RNF115: variants seen among roughly 807,000 people sequenced by gnomAD.
The protein encoded by RNF115 is E3 ubiquitin-protein ligase RNF115.
RNF115 carries 31 observed loss-of-function variants against 39.2 expected under a neutral mutation model. That is an observed-to-expected ratio of 0.79 (90% CI 0.59 to 1.07). The LOEUF (loss-of-function observed/expected upper bound fraction) is 1.07, where lower values mean the gene tolerates loss of function less well. Ranked by LOEUF, RNF115 falls within the 50% of genes least tolerant of loss-of-function variation. The pLI is 0.00. For missense variants in RNF115, 384 were observed against 381.7 expected (o/e 1.01, Z -0.05); for synonymous variants, 124 against 131.0 (o/e 0.95, Z 0.37).
intron 4 of RNF115, among the ~76,000 whole-genome samples, chr1:145,757,859 G>A (rs944342600): frequency 6.6e-6 from 1 of 152,116 alleles, no homozygotes; most frequent in South Asian, 2.1e-4. Context: ...ACAACAAAAG[G>A]AACTATACCT....
At chr1:145,755,651 T>C (rs1658266820) in intron 4 of RNF115, among the ~76,000 whole-genome samples, 1 of 151,944 alleles carries the variant, frequency 6.6e-6, no homozygotes, top group Admixed American at 6.6e-5. Flanking sequence ...GACCCAAAAC[T>C]TGAGAGTATC....
At chr1:145,766,097 A>C (rs952601306) in intron 4 of RNF115, among the ~76,000 whole-genome samples, 30 of 152,166 alleles carry the variant, frequency 2.0e-4, no homozygotes, top group Non-Finnish European at 3.4e-4. Context: ...GTCAGCAGAT[A>C]AGTGAACAAA....
intron 4 of RNF115, among the ~76,000 whole-genome samples, chr1:145,770,498 G>T (rs587679966): frequency 6.6e-6 from 1 of 152,212 alleles, no homozygotes; most frequent in South Asian, 2.1e-4. Context: ...AGCTATTTGG[G>T]ATTGAGGTAC....
chr1:145,803,725 G>A (rs587653994), intron 1 of RNF115, among the ~76,000 whole-genome samples: 10 of 152,274 alleles, frequency 6.6e-5, no homozygotes, highest in Non-Finnish European at 1.3e-4. Context: ...GGCCATGATT[G>A]AACACTGACA....
In RNF115 at chr1:145,743,880, T is replaced by A. The variant is rs1553711288; in HGVS notation, c.*2986A>T. ...TCCTCAACATAAATTAACCTGGACA[T>A]CTGAGGTGCCTGCCATTATAAGAAG... On this transcript the variant is annotated 3_prime_UTR_variant, in exon 9 of 9. Transcript: ENST00000582693. 6.6e-6 allele frequency: 1 copy of A among 151,832 alleles called. No homozygotes were observed. The highest frequency in any genetic ancestry group is 1.5e-5 in the Non-Finnish European group (1 of 67,966). 9.4% of individuals were successfully genotyped at this position (151,832 alleles called of 1,614,324 possible). A position where few individuals can be genotyped will look rare whatever the true frequency, so the allele number is the denominator to read the frequency against.
chr1:145,792,306 A>G (rs1648711848), intron 1 of RNF115, among the ~76,000 whole-genome samples: 1 of 151,976 alleles, frequency 6.6e-6, no homozygotes, highest in Admixed American at 6.6e-5. Context: ...CTTCAAAGAA[A>G]GACAGGATGG....
At chr1:145,788,734 T>C in intron 2 of RNF115, 174 bp downstream of exon 2, 1 of 701,126 alleles carries the variant, frequency 1.4e-6, no homozygotes, top group Non-Finnish European at 2.6e-6. Flanking sequence ...TTCTTTTTCC[T>C]CTCCCATTCT....
rs1168148329 is a variant in RNF115 at position 145,757,924 on chromosome 1, C to T, written c.429-4875G>A. On this transcript the variant is annotated intron_variant, in intron 4 of 8. Coordinates refer to ENST00000582693, the MANE Select transcript of RNF115 (RefSeq NM_014455.4). The stretch of plus-strand genomic sequence containing the variant: ...CACTTGGACCTAGTTAAAAGGACAG[C>T]TACCTATATTTCAAGCTGATGCTAT... Among the ~76,000 whole-genome samples, 4 of 152,192 alleles carry T rather than the reference C, an allele frequency of 2.6e-5. No homozygotes were observed. In the East Asian group the frequency reaches 7.7e-4, roughly 29 times the overall value.
intron 3 of RNF115, among the ~76,000 whole-genome samples, chr1:145,776,855 T>C (rs587679950): frequency 6.6e-5 from 10 of 152,274 alleles, no homozygotes; most frequent in Admixed American, 1.3e-4. Flanking sequence ...AAGATTTCTC[T>C]AAATACTGGT....
At chr1:145,764,849 T>C (rs1309430559) in intron 4 of RNF115, among the ~76,000 whole-genome samples, 3 of 142,202 alleles carry the variant, frequency 2.1e-5, no homozygotes, top group Non-Finnish European at 3.1e-5. Context: ...AGGTGGGGGG[T>C]GCCTCTGCCC....
chr1:145,806,236 T>C (rs782560197), intron 1 of RNF115, among the ~76,000 whole-genome samples: 46 of 152,228 alleles, frequency 3.0e-4, no homozygotes, highest in Admixed American at 5.2e-4. Flanking sequence ...TAATCCCAGC[T>C]GCTCAGGAAG....
chr1:145,776,090 A>AGG (rs11374256), intron 3 of RNF115, among the ~76,000 whole-genome samples: 66,277 of 145,994 alleles, frequency 0.45, 15,330 homozygotes, highest in East Asian at 0.63. Flanking sequence ...CCACAGGGTA[A>AGG]GGGGGGGGCT....
intron 1 of RNF115, among the ~76,000 whole-genome samples, chr1:145,789,866 T>G (rs1648580927): frequency 6.6e-6 from 1 of 150,992 alleles, no homozygotes; most frequent in Non-Finnish European, 1.5e-5. Context: ...CCTGGCTAAT[T>G]TTTGTATTTT....
At position 145,800,008 on chromosome 1, in the gene RNF115, G is replaced by C. The variant is rs1053336441; in HGVS notation, c.103-11042C>G. ...ATCAAATGCTTTTTCTGCATGAATT[G>C]AGATGATGATGCAGTTTTTGTCCCT... On this transcript the variant is annotated intron_variant, in intron 1 of 8. Transcript: ENST00000582693. Among the ~76,000 whole-genome samples the C allele has an allele frequency of 3.9e-5, 6 of 152,188 alleles. 1 individual carries two copies. The South Asian group carries it at 1.2e-3, about 32-fold the overall frequency.
chr1:145,784,632 C>G (rs1553717903), intron 2 of RNF115, 36 bp from the exon 3 acceptor site: 1 of 1,590,524 alleles, frequency 6.3e-7, no homozygotes, highest in Non-Finnish European at 8.6e-7. Context: ...ATTCTATTCC[C>G]AGGAACAAGC....
At chr1:145,788,271 G>T (rs140670770) in intron 2 of RNF115, among the ~76,000 whole-genome samples, 1 of 152,046 alleles carries the variant, frequency 6.6e-6, no homozygotes, top group African/African-American at 2.4e-5. Flanking sequence ...TAATGGAGAC[G>T]GGGTTTCACC....
At chr1:145,774,748 A>G (rs1647799868) in intron 3 of RNF115, among the ~76,000 whole-genome samples, 1 of 152,044 alleles carries the variant, frequency 6.6e-6, no homozygotes, top group Non-Finnish European at 1.5e-5. Flanking sequence ...TTAAATCTCT[A>G]TTCTTTCTCT....
intron 4 of RNF115, among the ~76,000 whole-genome samples, chr1:145,771,080 T>C (rs1362116412): frequency 6.6e-6 from 1 of 152,202 alleles, no homozygotes; most frequent in East Asian, 1.9e-4. Context: ...TTTTGATAAA[T>C]ATACTGCTAT....
At chr1:145,791,845 AT>A (rs1213371990) in intron 1 of RNF115, among the ~76,000 whole-genome samples, 7 of 151,590 alleles carry the variant, frequency 4.6e-5, no homozygotes, top group East Asian at 1.9e-4. Context: ...TGAGAAACAC[AT>A]TTTTTTTTAA....
Sources: gnomAD v4.1 joint callset for allele counts (sites outside exome capture counted in the v4.1 genomes callset) on GRCh38, gnomAD v4.1.1 for gene constraint, MANE v1.5 for transcripts, NCBI Gene and HGNC (gene_info 2026-07-23, HGNC 2026-07-21) for gene names.